The following SLCO5A1 variants were observed in gnomAD, a reference collection of about 807,000 sequenced individuals.
SLCO5A1 encodes solute carrier organic anion transporter family member 5A1, also known as organic anion transporter polypeptide-related protein 4.
A neutral mutation model predicts 65.1 loss-of-function variants in SLCO5A1; 39 were observed. The observed-to-expected ratio is 0.60, with a 90% CI of 0.46 to 0.78. The LOEUF (loss-of-function observed/expected upper bound fraction) is 0.78, where lower values mean the gene tolerates loss of function less well. Among genes scored for constraint, SLCO5A1 ranks in the 30% least tolerant of loss-of-function variants. The pLI is 0.00. For synonymous variants in SLCO5A1, 438 were observed against 415.7 expected (o/e 1.05, Z -0.65); for missense variants, 1,029 against 1,069.4 (o/e 0.96, Z 0.53).
rs896746880 is a variant in SLCO5A1 at position 69,832,869 on chromosome 8, C to T, written c.-196G>A. 7.9e-6 allele frequency: 5 copies of T among 633,430 alleles called. No homozygotes were observed. Among genetic ancestry groups the T allele is most frequent in the Non-Finnish European group, 1.3e-5 (5 of 375,076 alleles). 39.2% of individuals were successfully genotyped at this position (633,430 alleles called of 1,614,324 possible). On this transcript the variant is annotated 5_prime_UTR_variant, in exon 2 of 10. Coordinates refer to ENST00000260126, the MANE Select transcript of SLCO5A1 (RefSeq NM_030958.3). This position sits in a 1 kb window ranked among gnomAD's most constrained non-coding sequence, Gnocchi z 4.5. ...TGCATCCTGATCACAGACACGGCTT[C>T]AAGGCTCCGCAGCCGCGTGCCACAG...
At chr8:69,779,782 A>C (rs989443710) in intron 2 of SLCO5A1, among the ~76,000 whole-genome samples, 1 of 152,166 alleles carries the variant, frequency 6.6e-6, no homozygotes, top group Non-Finnish European at 1.5e-5. Flanking sequence ...AAACACAAAA[A>C]GGTATCAAAA....
intron 5 of SLCO5A1, among the ~76,000 whole-genome samples, chr8:69,716,475 A>G (rs902953747): frequency 2.0e-5 from 3 of 152,232 alleles, no homozygotes; most frequent in South Asian, 2.1e-4. Context: ...CATCTTCACC[A>G]ACTCTTGTTA....
At chr8:69,752,502 T>G (rs969068760) in intron 4 of SLCO5A1, among the ~76,000 whole-genome samples, 3 of 151,970 alleles carry the variant, frequency 2.0e-5, no homozygotes, top group Non-Finnish European at 2.9e-5. Context: ...TTTGGAAAAT[T>G]ATATTAAATA....
chr8:69,825,285 C>A (rs565420997), intron 2 of SLCO5A1, among the ~76,000 whole-genome samples: 1 of 152,112 alleles, frequency 6.6e-6, no homozygotes, highest in African/African-American at 2.4e-5. Context: ...CCAGGGCAAT[C>A]AGGCAGGAGA....
intron 4 of SLCO5A1, among the ~76,000 whole-genome samples, chr8:69,752,480 T>C (rs897707946): frequency 1.3e-5 from 2 of 151,308 alleles, no homozygotes; most frequent in African/African-American, 4.9e-5. Flanking sequence ...TTCCTGGAGA[T>C]TTAATTTGTC....
At chr8:69,785,283 C>T (rs1819005889) in intron 2 of SLCO5A1, among the ~76,000 whole-genome samples, 2 of 152,140 alleles carry the variant, frequency 1.3e-5, no homozygotes, top group South Asian at 2.1e-4. Context: ...GTGATGGAAA[C>T]ATTATCATGA....
At chr8:69,708,488 G>A (rs753732749) in intron 5 of SLCO5A1, among the ~76,000 whole-genome samples, 1 of 151,924 alleles carries the variant, frequency 6.6e-6, no homozygotes, top group Non-Finnish European at 1.5e-5. Context: ...TTGAACCCAG[G>A]AGGCAGAAGT....
intron 5 of SLCO5A1, among the ~76,000 whole-genome samples, chr8:69,729,700 G>A (rs1024762179): frequency 3.3e-5 from 5 of 152,148 alleles, no homozygotes; most frequent in African/African-American, 1.2e-4. Context: ...GAGAGAGAGA[G>A]AGAGCGTGTG....
intron 2 of SLCO5A1, among the ~76,000 whole-genome samples, chr8:69,785,456 G>A (rs1022981293): frequency 1.2e-4 from 18 of 152,074 alleles, no homozygotes; most frequent in Non-Finnish European, 7.4e-5. Flanking sequence ...CCTAACAGTG[G>A]TCCCAATAAC....
Position 69,832,038 on chromosome 8 carries a change from G to A in SLCO5A1, c.636C>T (p.Phe212=), listed in dbSNP as rs1444328899. 1.9e-6 allele frequency: 3 copies of A among 1,611,034 alleles called. No individual in the cohort carries two copies. The highest frequency in any genetic ancestry group is 4.5e-5 in the East Asian group (2 of 44,868). Residue 212 remains phenylalanine, a synonymous_variant, in exon 2 of 10, where the codon TTC becomes TTT. Transcript: ENST00000260126. The surrounding 1 kb of genome is among the most constrained non-coding windows in gnomAD (Gnocchi z 4.5). The stretch of plus-strand genomic sequence containing the variant: ...GGGGCGAGATGAAGTGAGGTAAGGC[G>A]AAGAGGGCTGCCCCGAAGGCGATGA... The part of the protein sequence containing the change: ...GLLIAFGAAL[F]ALPHFISPPY...
chr8:69,754,799 T>C (rs1349527951), intron 4 of SLCO5A1, among the ~76,000 whole-genome samples: 1 of 152,162 alleles, frequency 6.6e-6, no homozygotes, highest in Non-Finnish European at 1.5e-5. Context: ...AAACCATATA[T>C]CACCAAGACC....
chr8:69,792,333 G>T (rs1465881542), intron 2 of SLCO5A1, among the ~76,000 whole-genome samples: 1 of 152,174 alleles, frequency 6.6e-6, no homozygotes, highest in Non-Finnish European at 1.5e-5. Flanking sequence ...CATAAAGGGG[G>T]CAGGAGGGCA....
intron 2 of SLCO5A1, among the ~76,000 whole-genome samples, chr8:69,800,369 G>A (rs1819682422): frequency 6.6e-6 from 1 of 150,944 alleles, no homozygotes; most frequent in African/African-American, 2.4e-5. Flanking sequence ...AGGAGAAGAG[G>A]CCTGCCCAAA....
chr8:69,697,462 G>T (rs947906050), intron 6 of SLCO5A1, among the ~76,000 whole-genome samples: 1 of 152,092 alleles, frequency 6.6e-6, no homozygotes, highest in Non-Finnish European at 1.5e-5. Context: ...TTTAGACAGA[G>T]GGGACAAAAG....
At chr8:69,809,250 G>T (rs1025848414) in intron 2 of SLCO5A1, among the ~76,000 whole-genome samples, 1 of 152,038 alleles carries the variant, frequency 6.6e-6, no homozygotes, top group Non-Finnish European at 1.5e-5. Context: ...AAGCTTAAAG[G>T]TTCAAAATTG....
chr8:69,667,170 T>C lies in SLCO5A1; in HGVS notation c.*5699A>G, dbSNP rs1038138850. On this transcript the variant is annotated 3_prime_UTR_variant, in exon 10 of 10. Transcript: ENST00000260126. ...GATTTCATTAAACACACGGAAATTA[T>C]ACATCTTTTAAATTACCTTAAAAAG... 3 of 152,202 alleles carry C rather than the reference T, an allele frequency of 2.0e-5. No homozygotes were observed. The highest frequency in any genetic ancestry group is 2.9e-5 in the Non-Finnish European group (2 of 68,044). 9.4% of individuals were successfully genotyped at this position (152,202 alleles called of 1,614,324 possible).
At chr8:69,823,330 T>C (rs1349040405) in intron 2 of SLCO5A1, among the ~76,000 whole-genome samples, 1 of 150,752 alleles carries the variant, frequency 6.6e-6, no homozygotes, top group Non-Finnish European at 1.5e-5. Context: ...GACTGGCAAA[T>C]TGGATAAAGA....
chr8:69,720,721 T>C (rs569007597), intron 5 of SLCO5A1, among the ~76,000 whole-genome samples: 2 of 152,384 alleles, frequency 1.3e-5, no homozygotes, highest in East Asian at 3.9e-4. Flanking sequence ...TTGTGTGTTA[T>C]CACAAAATCA....
chr8:69,686,364 A>G (rs73686124), intron 6 of SLCO5A1, among the ~76,000 whole-genome samples: 1 of 152,308 alleles, frequency 6.6e-6, no homozygotes, highest in African/African-American at 2.4e-5. Flanking sequence ...TTTCTTTTCA[A>G]TGCCACTTAA....
Sources: allele counts gnomAD v4.1 joint callset (sites outside exome capture counted in the v4.1 genomes callset), GRCh38; gene constraint gnomAD v4.1.1; non-coding constraint Gnocchi (gnomAD v3.1); transcripts MANE v1.5; gene names NCBI Gene and HGNC (gene_info 2026-07-23, HGNC 2026-07-21).